Variants in ICA1L observed in about 807,000 individuals in gnomAD.
ICA1L encodes the protein islet cell autoantigen 1-like protein.
In ICA1L, 50 loss-of-function variants were observed where a neutral mutation model predicts 61.3. The ratio of observed to expected loss-of-function variants is 0.82; its 90% confidence interval spans 0.65 to 1.03. The LOEUF (loss-of-function observed/expected upper bound fraction) is 1.03. Among genes scored for constraint, ICA1L ranks in the 50% least tolerant of loss-of-function variants. The pLI is 0.00. For synonymous variants in ICA1L, 161 were observed against 191.3 expected, an observed-to-expected ratio of 0.84 and a Z score of 1.31; for missense variants, 508 against 556.7, an observed-to-expected ratio of 0.91 and a Z score of 0.88.
At chr2:202,846,985 G>A (rs979787619) in intron 1 of ICA1L, among the ~76,000 whole-genome samples, 9 of 152,058 alleles carry the variant, frequency 5.9e-5, no homozygotes, top group Admixed American at 5.9e-4. Context: ...TGATGTGCTG[G>A]GTACCATGAG....
At chr2:202,820,358 G>A (rs1445298101) in intron 4 of ICA1L, among the ~76,000 whole-genome samples, 3 of 149,948 alleles carry the variant, frequency 2.0e-5, no homozygotes, top group Non-Finnish European at 3.0e-5. Context: ...CTGGGCGACA[G>A]AGCGAAACTC....
At chr2:202,796,789 T>C (rs1238627525) in intron 10 of ICA1L, 101 bp downstream of exon 10, 47 of 645,768 alleles carry the variant, frequency 7.3e-5, no homozygotes, top group Non-Finnish European at 7.4e-5. Flanking sequence ...TGCATTCTTA[T>C]GTAGAGACCC....
rs189785042 is a variant in ICA1L, at chr2:202,849,950, G to A, written c.-7-20934C>T. Reference sequence around the variant, plus strand: ...TCTGGAACAAAGCTTTCAGAGGAAGGAACAGGCAGCAATCGTTGCTGTTCT... The same window carrying A: ...TCTGGAACAAAGCTTTCAGAGGAAGAAACAGGCAGCAATCGTTGCTGTTCT... On this transcript the variant is annotated intron_variant, in intron 1 of 12. Transcript: ENST00000358299. This position sits in a 1 kb window ranked among gnomAD's most constrained non-coding sequence, Gnocchi z 4.5. 1.1e-4 allele frequency among the ~76,000 whole-genome samples: 17 copies of A among 152,252 alleles called. No homozygotes were observed. In the East Asian group the frequency reaches 2.9e-3, roughly 26 times the overall value.
rs1293673669 is a variant in ICA1L, at chr2:202,810,501, G to A, written c.910+1245C>T. On this transcript the variant is annotated intron_variant, in intron 9 of 12. Coordinates refer to ENST00000358299, the MANE Select transcript of ICA1L (RefSeq NM_001288622.3). ...TTAATCTCTTAGTCCCGTCATCTTCGTAAACTGAGGAGGATGTATGTCGCC... is the reference window on the plus strand; with the variant it reads ...TTAATCTCTTAGTCCCGTCATCTTCATAAACTGAGGAGGATGTATGTCGCC... Among the ~76,000 whole-genome samples, 7 of 152,180 alleles carry A rather than the reference G, an allele frequency of 4.6e-5. No homozygotes were observed. In the East Asian group the frequency reaches 1.4e-3, roughly 29 times the overall value.
intron 2 of ICA1L, among the ~76,000 whole-genome samples, chr2:202,826,165 C>G (rs1202705891): frequency 6.6e-6 from 1 of 152,122 alleles, no homozygotes; most frequent in African/African-American, 2.4e-5. Context: ...TGGCTTTTCT[C>G]TCATACTGGT....
chr2:202,825,389 G>C, intron 3 of ICA1L: 1 of 321,384 alleles, frequency 3.1e-6, no homozygotes, highest in Non-Finnish European at 5.0e-6. Context: ...AGGATCACTT[G>C]AGCCCAGGTG....
At chr2:202,816,261 G>T (rs1301370706) in intron 6 of ICA1L, among the ~76,000 whole-genome samples, 1 of 152,176 alleles carries the variant, frequency 6.6e-6, no homozygotes, top group Non-Finnish European at 1.5e-5. Context: ...GAGCCACCCA[G>T]AGAGTGACTG....
At chr2:202,780,568 G>A (rs924844035) in intron 12 of ICA1L, among the ~76,000 whole-genome samples, 1 of 152,276 alleles carries the variant, frequency 6.6e-6, no homozygotes, top group African/African-American at 2.4e-5. Context: ...CACAAGGCAG[G>A]GTTGAGACCC....
intron 1 of ICA1L, chr2:202,840,916 G>T: frequency 2.8e-6 from 2 of 717,890 alleles, no homozygotes; most frequent in Non-Finnish European, 5.1e-6. Flanking sequence ...AGCGTCTGCA[G>T]TTCCTCATAC....
At chr2:202,836,818 T>TATAGATATATATAG (rs2076909520) in intron 1 of ICA1L, among the ~76,000 whole-genome samples, 1 of 148,686 alleles carries the variant, frequency 6.7e-6, no homozygotes, top group Non-Finnish European at 1.5e-5. Flanking sequence ...TATATATAGA[T>TATAGATATATATAG]ATATAGATAT....
chr2:202,785,398 C>T (rs1480189007), intron 12 of ICA1L, among the ~76,000 whole-genome samples: 1 of 152,032 alleles, frequency 6.6e-6, no homozygotes, highest in East Asian at 1.9e-4. Flanking sequence ...AAATGTAGTA[C>T]ACTTTGTCAA....
chr2:202,792,942 G>T (rs1023155735), intron 10 of ICA1L, among the ~76,000 whole-genome samples: 7 of 152,168 alleles, frequency 4.6e-5, no homozygotes, highest in Non-Finnish European at 7.3e-5. Context: ...TCCAGAAAAG[G>T]CAAATTTATA....
chr2:202,856,075 GAAAAAA>G (rs35022962), intron 1 of ICA1L, among the ~76,000 whole-genome samples: 1 of 127,492 alleles, frequency 7.8e-6, no homozygotes, highest in Non-Finnish European at 1.6e-5. Flanking sequence ...TCCGTCTCAA[GAAAAAA>G]AAAAAAAAAA....
At chr2:202,792,403 T>C (rs1461120918) in intron 10 of ICA1L, among the ~76,000 whole-genome samples, 1 of 152,184 alleles carries the variant, frequency 6.6e-6, no homozygotes, top group East Asian at 1.9e-4. Context: ...TCAGTAGTAG[T>C]AGTAGTATAA....
chr2:202,811,501 TA>T (rs1028700393), intron 9 of ICA1L, among the ~76,000 whole-genome samples: 5 of 150,444 alleles, frequency 3.3e-5, no homozygotes, highest in African/African-American at 1.2e-4. Context: ...CTACTAAAAA[TA>T]CAAAAAAAAA....
chr2:202,841,577 G>A (rs1294211552), intron 1 of ICA1L: 2 of 696,372 alleles, frequency 2.9e-6, no homozygotes, highest in Non-Finnish European at 5.4e-6. Context: ...GACTGTGACA[G>A]CAGTGATGCT....
At chr2:202,843,180 T>C (rs1434877671) in intron 1 of ICA1L, among the ~76,000 whole-genome samples, 1 of 152,214 alleles carries the variant, frequency 6.6e-6, no homozygotes, top group African/African-American at 2.4e-5. Flanking sequence ...TTAGGTGGTA[T>C]TATGTCTCCC....
Position 202,819,777 on chromosome 2 carries a change from C to G in ICA1L, c.482G>C (p.Gly161Ala), listed in dbSNP as rs768078482. Residue 161 changes from glycine (G) to alanine (A), a missense_variant, in exon 5 of 13, where the codon GGA becomes GCA. Coordinates refer to ENST00000358299, the MANE Select transcript of ICA1L (RefSeq NM_001288622.3). Reference sequence around the variant, plus strand: ...TACATCTTTCATCCACAGTAGAGCTCCTCTGTATTCTGTGCGTGCCTGCTC... The same window carrying G: ...TACATCTTTCATCCACAGTAGAGCTGCTCTGTATTCTGTGCGTGCCTGCTC... The part of the protein sequence containing the change: ...RMEQARTEYR[G>A]ALLWMKDVSQ... 1.9e-6 allele frequency: 3 copies of G among 1,613,996 alleles called. No individual in the cohort carries two copies. In the Admixed American group the frequency reaches 5.0e-5, roughly 27 times the overall value.
intron 3 of ICA1L, among the ~76,000 whole-genome samples, chr2:202,823,735 G>C (rs899431033): frequency 6.6e-6 from 1 of 152,054 alleles, no homozygotes; most frequent in African/African-American, 2.4e-5. Context: ...CCTGTCTATG[G>C]AATTGCCTTT....
Sources: allele counts gnomAD v4.1 joint callset (sites outside exome capture counted in the v4.1 genomes callset), GRCh38; gene constraint gnomAD v4.1.1; non-coding constraint Gnocchi (gnomAD v3.1); transcripts MANE v1.5; gene names NCBI Gene and HGNC (gene_info 2026-07-23, HGNC 2026-07-21).